INPP4A: variants seen among roughly 807,000 people sequenced by gnomAD.
INPP4A encodes the protein inositol polyphosphate-4-phosphatase type I A.
In INPP4A, 33 loss-of-function variants were observed where a neutral mutation model predicts 119.8. The observed-to-expected ratio is 0.28, with a 90% CI of 0.21 to 0.37. INPP4A has a LOEUF of 0.37. Ranked by LOEUF, INPP4A falls within the 10% of genes least tolerant of loss-of-function variation. INPP4A has a pLI of 1.00. For synonymous variants in INPP4A, 496 were observed against 500.7 expected, an observed-to-expected ratio of 0.99 and a Z score of 0.12; for missense variants, 956 against 1,289.9, an observed-to-expected ratio of 0.74 and a Z score of 3.97.
chr2:98,552,625 T>C (rs750897602), intron 13 of INPP4A, 161 bp from the exon 14 acceptor site: 2 of 748,210 alleles, frequency 2.7e-6, no homozygotes, highest in Non-Finnish European at 4.9e-6. Context: ...AAGAATCTCC[T>C]AAGATATACT....
chr2:98,478,928 C>T (rs1423653847), intron 1 of INPP4A, among the ~76,000 whole-genome samples: 1 of 152,164 alleles, frequency 6.6e-6, no homozygotes, highest in Admixed American at 6.5e-5. Flanking sequence ...AGTCTTCAGG[C>T]ATCTTTCGAA....
At chr2:98,469,454 C>T (rs542473813) in intron 1 of INPP4A, among the ~76,000 whole-genome samples, 4 of 150,490 alleles carry the variant, frequency 2.7e-5, no homozygotes, top group South Asian at 2.1e-4. Context: ...GAGCCGAGAT[C>T]GCGCCATTGC....
At chr2:98,450,491 T>C (rs935811139) in intron 1 of INPP4A, among the ~76,000 whole-genome samples, 2 of 152,232 alleles carry the variant, frequency 1.3e-5, no homozygotes, top group Non-Finnish European at 2.9e-5. Flanking sequence ...TGGACTCTGG[T>C]GCTGCACTTT....
intron 1 of INPP4A, among the ~76,000 whole-genome samples, chr2:98,483,765 T>C (rs1678976767): frequency 6.6e-6 from 1 of 152,106 alleles, no homozygotes; most frequent in Non-Finnish European, 1.5e-5. Flanking sequence ...GCTACTCTGC[T>C]CCCATGGATG....
At chr2:98,580,374 G>A (rs1332830559) in intron 24 of INPP4A, among the ~76,000 whole-genome samples, 4 of 152,240 alleles carry the variant, frequency 2.6e-5, no homozygotes, top group African/African-American at 4.8e-5. Context: ...GCCCTGATCT[G>A]TAATGTTTGC....
chr2:98,468,320 T>C (rs183810377), intron 1 of INPP4A, among the ~76,000 whole-genome samples: 187 of 152,350 alleles, frequency 1.2e-3, no homozygotes, highest in Middle Eastern at 3.4e-3. Context: ...ATTGCAGCCT[T>C]GAACTCCTGG....
intron 24 of INPP4A, among the ~76,000 whole-genome samples, chr2:98,583,495 C>T (rs1199498602): frequency 6.6e-6 from 1 of 152,128 alleles, no homozygotes; most frequent in East Asian, 1.9e-4. Context: ...AATTGTCCAC[C>T]TGTAAAAGTA....
intron 3 of INPP4A, 78 bp downstream of exon 3, chr2:98,520,232 A>C: frequency 9.0e-7 from 1 of 1,114,150 alleles, no homozygotes; most frequent in Non-Finnish European, 1.3e-6. Flanking sequence ...CAGTGCTGGC[A>C]GGTACCCAAT....
chr2:98,460,462 T>C (rs1696955411), intron 1 of INPP4A, among the ~76,000 whole-genome samples: 1 of 152,156 alleles, frequency 6.6e-6, no homozygotes, highest in Admixed American at 6.5e-5. Flanking sequence ...AGTTTGGGAA[T>C]TCATTCATCC....
intron 23 of INPP4A, among the ~76,000 whole-genome samples, chr2:98,574,606 C>T (rs1040379164): frequency 3.3e-5 from 5 of 151,102 alleles, no homozygotes; most frequent in Non-Finnish European, 7.4e-5. Context: ...CTACTGCACT[C>T]CAGCCTGGGT....
rs777469333 is a variant in INPP4A, at chr2:98,542,959, G to GTCA, written c.819-918_819-917insTCA. ...TTTTTTTTGAGATGGAGTCTCTATT[G>GTCA]CCTAGGCTGGAGTGCAGTGGTGCGA... On this transcript the variant is annotated intron_variant, in intron 10 of 24. Transcript: ENST00000409851. 4.4e-3 allele frequency among the ~76,000 whole-genome samples: 664 copies of GTCA among 150,448 alleles called. 1 individual carries two copies. Among genetic ancestry groups the GTCA allele is most frequent in the Non-Finnish European group, 7.5e-3 (505 of 67,714 alleles).
At chr2:98,517,114 C>T (rs1447816649) in intron 1 of INPP4A, among the ~76,000 whole-genome samples, 1 of 152,150 alleles carries the variant, frequency 6.6e-6, no homozygotes, top group African/African-American at 2.4e-5. Context: ...CCCACCCCTT[C>T]AGGATACCAC....
intron 4 of INPP4A, among the ~76,000 whole-genome samples, chr2:98,533,113 A>G (rs1400653450): frequency 1.3e-5 from 2 of 151,852 alleles, no homozygotes; most frequent in Non-Finnish European, 2.9e-5. Context: ...TTTGTGTTCC[A>G]CTCCATGGAC....
chr2:98,553,177 G>A (rs964058327), intron 14 of INPP4A, among the ~76,000 whole-genome samples: 2 of 152,222 alleles, frequency 1.3e-5, no homozygotes, highest in Non-Finnish European at 2.9e-5. Flanking sequence ...GCAGAGCCCA[G>A]GGCTCATGAC....
chr2:98,533,047 T>C (rs182847140), intron 4 of INPP4A, among the ~76,000 whole-genome samples: 2 of 152,108 alleles, frequency 1.3e-5, no homozygotes, highest in East Asian at 1.9e-4. Context: ...TTGGTTAGAG[T>C]TGGAATAGTT....
rs1307918484 is a variant in INPP4A at position 98,588,557 on chromosome 2, G to T, written c.*949G>T. ...TTGAAAAGACAGTACAATCATGTTT[G>T]AATGTCTGATGAAAGTGTCTTATTT... On this transcript the variant is annotated 3_prime_UTR_variant, in exon 25 of 25. Coordinates refer to ENST00000409851, the MANE Select transcript of INPP4A (RefSeq NM_001134225.2). 2 of 221,372 alleles carry T rather than the reference G, an allele frequency of 9.0e-6. No individual in the cohort carries two copies. The highest frequency in any genetic ancestry group is 1.3e-4 in the East Asian group (2 of 14,962). 13.7% of individuals were successfully genotyped at this position (221,372 alleles called of 1,614,324 possible). A position where few individuals can be genotyped will look rare whatever the true frequency, so the allele number is the denominator to read the frequency against.
chr2:98,521,628 A>T (rs1407957145), intron 4 of INPP4A: 1 of 152,306 alleles, frequency 6.6e-6, no homozygotes, highest in African/African-American at 2.4e-5. Context: ...TGCAAAACCC[A>T]TAAAAGTGTA....
At chr2:98,555,080 A>T (rs1472310684) in intron 15 of INPP4A, among the ~76,000 whole-genome samples, 1 of 152,228 alleles carries the variant, frequency 6.6e-6, no homozygotes, top group Non-Finnish European at 1.5e-5. Flanking sequence ...ACTATTAATC[A>T]GCAGCAAAGT....
At chr2:98,488,770 A>G (rs1680072911) in intron 1 of INPP4A, among the ~76,000 whole-genome samples, 2 of 152,132 alleles carry the variant, frequency 1.3e-5, no homozygotes, top group Admixed American at 6.5e-5. Context: ...GAGTTGCTTG[A>G]GACTGAAGTT....
Sources: allele counts gnomAD v4.1 joint callset (sites outside exome capture counted in the v4.1 genomes callset), GRCh38; gene constraint gnomAD v4.1.1; transcripts MANE v1.5; gene names NCBI Gene and HGNC (gene_info 2026-07-23, HGNC 2026-07-21).